Variants in ZCCHC7 observed in about 807,000 individuals in gnomAD.
The protein encoded by ZCCHC7 is zinc finger CCHC-type containing 7, also known as zinc finger CCHC domain-containing protein 7.
ZCCHC7 carries 35 observed loss-of-function variants against 52.0 expected under a neutral mutation model. The observed-to-expected ratio is 0.67, with a 90% confidence interval of 0.51 to 0.89. ZCCHC7 has a LOEUF of 0.89. Ranked by LOEUF, ZCCHC7 falls within the 40% of genes least tolerant of loss-of-function variation. The pLI, the probability that ZCCHC7 is intolerant of heterozygous loss-of-function variation, is 0.00. For missense variants in ZCCHC7, 574 were observed against 649.1 expected, an observed-to-expected ratio of 0.88 and a Z score of 1.26; for synonymous variants, 217 against 221.5, an observed-to-expected ratio of 0.98 and a Z score of 0.18.
intron 2 of ZCCHC7, among the ~76,000 whole-genome samples, chr9:37,225,901 C>T (rs755199832): frequency 1.1e-4 from 17 of 152,226 alleles, no homozygotes; most frequent in Non-Finnish European, 2.4e-4. Flanking sequence ...AGATACATTT[C>T]TACATTGTAC....
At chr9:37,305,413 T>G in intron 4 of ZCCHC7, 131 bp from the exon 5 acceptor site, 1 of 1,106,788 alleles carries the variant, frequency 9.0e-7, no homozygotes, top group Non-Finnish European at 1.3e-6. Flanking sequence ...TTTTTACAGT[T>G]GTGCTCAGGA....
chr9:37,250,300 CTTTT>C (rs1220457810), intron 2 of ZCCHC7, among the ~76,000 whole-genome samples: 5 of 132,446 alleles, frequency 3.8e-5, no homozygotes, highest in Admixed American at 1.6e-4. Context: ...CTTTCTCTCT[CTTTT>C]TTTTTTTTTT....
chr9:37,182,576 G>T (rs1822422277), intron 2 of ZCCHC7, among the ~76,000 whole-genome samples: 1 of 152,056 alleles, frequency 6.6e-6, no homozygotes, highest in South Asian at 2.1e-4. Context: ...GTATTGGTGA[G>T]GCTGGTCTCA....
chr9:37,240,221 T>C (rs951719710), intron 2 of ZCCHC7, among the ~76,000 whole-genome samples: 2 of 152,106 alleles, frequency 1.3e-5, no homozygotes, highest in South Asian at 2.1e-4. Flanking sequence ...TTTCCCATGA[T>C]TGGTGTTCGT....
chr9:37,349,267 G>A, intron 6 of ZCCHC7, 90 bp from the exon 7 acceptor site: 2 of 1,299,300 alleles, frequency 1.5e-6, no homozygotes, highest in Non-Finnish European at 2.2e-6. Context: ...AACTTCTAAG[G>A]AATCCCTTAC....
chr9:37,137,257 A>G (rs1843033645), intron 2 of ZCCHC7, among the ~76,000 whole-genome samples: 1 of 152,228 alleles, frequency 6.6e-6, no homozygotes, highest in African/African-American at 2.4e-5. Flanking sequence ...TGAATGCAGT[A>G]GATTTTTTAA....
At chr9:37,233,999 G>A (rs536704911) in intron 2 of ZCCHC7, among the ~76,000 whole-genome samples, 13 of 152,094 alleles carry the variant, frequency 8.5e-5, no homozygotes, top group Admixed American at 2.0e-4. Flanking sequence ...GACTACAGGC[G>A]CCTGCCACCA....
intron 6 of ZCCHC7, among the ~76,000 whole-genome samples, chr9:37,343,392 G>A (rs923427955): frequency 6.6e-6 from 1 of 152,054 alleles, no homozygotes; most frequent in Non-Finnish European, 1.5e-5. Flanking sequence ...ATTCCATTTT[G>A]TAGGCCTCAG....
chr9:37,250,678 T>C (rs1187061167), intron 2 of ZCCHC7, among the ~76,000 whole-genome samples: 1 of 152,232 alleles, frequency 6.6e-6, no homozygotes. Flanking sequence ...AGTTTTACTT[T>C]AGACTTTTAA....
chr9:37,189,046 C>T (rs1001484132), intron 2 of ZCCHC7, among the ~76,000 whole-genome samples: 4 of 131,522 alleles, frequency 3.0e-5, no homozygotes, highest in Non-Finnish European at 6.3e-5. Context: ...TGTCAGCTAT[C>T]TAGCCTGTCT....
intron 5 of ZCCHC7, among the ~76,000 whole-genome samples, chr9:37,318,455 C>G (rs968868504): frequency 2.3e-4 from 34 of 151,064 alleles, no homozygotes; most frequent in African/African-American, 8.3e-4. Context: ...GAACGAAACT[C>G]CATCTCAAAA....
At chr9:37,261,978 G>A (rs1826887007) in intron 2 of ZCCHC7, among the ~76,000 whole-genome samples, 1 of 152,076 alleles carries the variant, frequency 6.6e-6, no homozygotes, top group Non-Finnish European at 1.5e-5. Flanking sequence ...CTCATTGCGT[G>A]AAAGATTTCA....
Position 37,122,775 on chromosome 9 carries a change from A to C in ZCCHC7, c.-22+2152A>C, listed in dbSNP as rs572409770. 7.9e-4 allele frequency among the ~76,000 whole-genome samples: 120 copies of C among 152,320 alleles called. 1 individual carries two copies. The highest frequency in any genetic ancestry group is 1.5e-3 in the Non-Finnish European group (102 of 68,022). ...CAACATGGTGAAACCCGTCTCTGCT[A>C]AGAATACAAAAATTACCCAGGCGTG... On this transcript the variant is annotated intron_variant, in intron 1 of 8. Coordinates refer to ENST00000336755, the MANE Select transcript of ZCCHC7 (RefSeq NM_032226.3).
At chr9:37,238,414 A>C (rs1564196581) in intron 2 of ZCCHC7, among the ~76,000 whole-genome samples, 1 of 152,070 alleles carries the variant, frequency 6.6e-6, no homozygotes, top group Admixed American at 6.6e-5. Flanking sequence ...TGTTTTGCTA[A>C]GTGATTTTTC....
At chr9:37,348,396 TGA>T (rs1821155315) in intron 6 of ZCCHC7, among the ~76,000 whole-genome samples, 6 of 151,366 alleles carry the variant, frequency 4.0e-5, no homozygotes, top group South Asian at 2.1e-4. Context: ...CTTTCTTTTT[TGA>T]CATGGAGTCT....
At chr9:37,309,476 A>G (rs1046166533) in intron 5 of ZCCHC7, among the ~76,000 whole-genome samples, 9 of 151,916 alleles carry the variant, frequency 5.9e-5, no homozygotes, top group African/African-American at 2.2e-4. Flanking sequence ...TCATTACTCA[A>G]CCCTTTTTAT....
intron 2 of ZCCHC7, among the ~76,000 whole-genome samples, chr9:37,235,449 TTTCCTTTCTTTCCTTCCTTTCCTTCC>T (rs1212228739): frequency 1.7e-4 from 26 of 151,842 alleles, no homozygotes; most frequent in Admixed American, 1.6e-3. Flanking sequence ...CTTTCTTTTC[TTTCCTTTCTTTCCTTCCTTTCCTTCC>T]TTCCTTTCTT....
chr9:37,163,410 G>GA (rs1267692798), intron 2 of ZCCHC7, among the ~76,000 whole-genome samples: 4 of 138,656 alleles, frequency 2.9e-5, no homozygotes, highest in Admixed American at 1.4e-4. Flanking sequence ...AAAAAGAAAA[G>GA]AAAAAAATAG....
chr9:37,174,751 G>A (rs1821925408), intron 2 of ZCCHC7, among the ~76,000 whole-genome samples: 1 of 152,164 alleles, frequency 6.6e-6, no homozygotes, highest in Non-Finnish European at 1.5e-5. Context: ...AGGGTTTGGA[G>A]TATTCACTGT....
Sources: gnomAD v4.1 joint callset for allele counts (sites outside exome capture counted in the v4.1 genomes callset) on GRCh38, gnomAD v4.1.1 for gene constraint, MANE v1.5 for transcripts, NCBI Gene and HGNC (gene_info 2026-07-23, HGNC 2026-07-21) for gene names.